SLC12A2: variants seen among roughly 807,000 people sequenced by gnomAD.
The protein encoded by SLC12A2 is Na-K-2Cl cotransporter 1.
A neutral mutation model predicts 136.3 loss-of-function variants in SLC12A2; 67 were observed. That is an observed-to-expected ratio of 0.49 (90% CI 0.40 to 0.60). The LOEUF (loss-of-function observed/expected upper bound fraction) is 0.60, where lower values mean the gene tolerates loss of function less well. SLC12A2 is among the 20% of genes least tolerant of loss of function. SLC12A2 has a pLI of 0.00. For synonymous variants in SLC12A2, 619 were observed against 562.9 expected (o/e 1.10, Z -1.41); for missense variants, 1,322 against 1,534.7 (o/e 0.86, Z 2.32).
intron 1 of SLC12A2, among the ~76,000 whole-genome samples, chr5:128,096,964 A>G (rs1760563268): frequency 6.6e-6 from 1 of 152,102 alleles, no homozygotes; most frequent in Admixed American, 6.6e-5. Context: ...CTGAATTTCA[A>G]TCATTATAAC....
rs1205696071 is a variant in SLC12A2 at position 128,188,825 on chromosome 5, AT to A, written c.*2195del. ...ATGTTTGGGGGTAAAGACAGTAGAA[AT>A]ATTATTCAGTAAACAATAATGTGTG... On this transcript the variant is annotated 3_prime_UTR_variant, in exon 27 of 27. Coordinates refer to ENST00000262461, the MANE Select transcript of SLC12A2 (RefSeq NM_001046.3). The A allele has an allele frequency of 2.0e-5, 3 of 152,432 alleles. No individual in the cohort carries two copies. Among genetic ancestry groups the A allele is most frequent in the Admixed American group, 6.6e-5 (1 of 15,266 alleles). The allele number at this position is 152,432 out of a possible 1,614,324, so 9.4% of individuals were successfully genotyped here. A position where few individuals can be genotyped will look rare whatever the true frequency, so the allele number is the denominator to read the frequency against.
chr5:128,146,758 G>A (rs998487464), intron 10 of SLC12A2, among the ~76,000 whole-genome samples: 3 of 151,506 alleles, frequency 2.0e-5, no homozygotes, highest in African/African-American at 7.3e-5. Context: ...TTTAGCTCTA[G>A]AAGATAAAAG....
chr5:128,110,296 C>T (rs1761095211), intron 1 of SLC12A2: 2 of 828,502 alleles, frequency 2.4e-6, no homozygotes, highest in South Asian at 1.3e-5. Context: ...TGATGCCTAC[C>T]TACGACTTGA....
chr5:128,147,590 T>A, intron 10 of SLC12A2, 32 bp from the exon 11 acceptor site: 3 of 1,392,502 alleles, frequency 2.2e-6, no homozygotes, highest in Non-Finnish European at 3.1e-6. Context: ...TTTGTGAGAT[T>A]TATTTTTCCA....
intron 14 of SLC12A2, among the ~76,000 whole-genome samples, 154 bp downstream of exon 14, chr5:128,151,550 C>T (rs1049986276): frequency 6.8e-6 from 1 of 147,720 alleles, no homozygotes; most frequent in Non-Finnish European, 1.5e-5. Flanking sequence ...TTTCCAAACT[C>T]CTAAAGTTTT....
intron 18 of SLC12A2, chr5:128,168,763 G>A (rs1167963050): frequency 6.6e-6 from 1 of 152,112 alleles, no homozygotes; most frequent in South Asian, 2.1e-4. Context: ...TTGAGCAATT[G>A]GTGCCGCTGC....
intron 4 of SLC12A2, among the ~76,000 whole-genome samples, chr5:128,118,727 A>C (rs555295644): frequency 6.6e-6 from 1 of 152,330 alleles, no homozygotes; most frequent in African/African-American, 2.4e-5. Flanking sequence ...AACTATTGAA[A>C]TAATTTTTTT....
At chr5:128,137,284 C>G (rs371849885) in intron 7 of SLC12A2, among the ~76,000 whole-genome samples, 1 of 152,046 alleles carries the variant, frequency 6.6e-6, no homozygotes, top group East Asian at 1.9e-4. Context: ...CTTTTATTTC[C>G]TCAGAAGAGT....
Position 128,188,461 on chromosome 5 carries a change from AT to A in SLC12A2, c.*1835del. The A allele has an allele frequency of 6.6e-6, 1 of 151,688 alleles. No homozygotes were observed. Among genetic ancestry groups the A allele is most frequent in the Non-Finnish European group, 1.5e-5 (1 of 67,952 alleles). 9.4% of individuals were successfully genotyped at this position (151,688 alleles called of 1,614,324 possible). On this transcript the variant is annotated 3_prime_UTR_variant, in exon 27 of 27. Transcript: ENST00000262461. ...GGGTGCACGCCACCATGCCCAGCTAATTTTTGTATTTTGAGTAGAGACAGGG... is the reference window on the plus strand; with the variant it reads ...GGGTGCACGCCACCATGCCCAGCTAATTTTGTATTTTGAGTAGAGACAGGG...
chr5:128,114,202 C>T lies in SLC12A2; in HGVS notation c.877-10C>T. The stretch of plus-strand genomic sequence containing the variant: ...TTCCTCTGTGTCTTGGCCTCTTTTT[C>T]CCTCTTTAGGTACGTTGTATGTTAA... On this transcript the variant is annotated splice_polypyrimidine_tract_variant and intron_variant, in intron 2 of 26. Transcript: ENST00000262461. 6.2e-7 allele frequency: 1 copy of T among 1,605,230 alleles called. No individual in the cohort carries two copies. Among genetic ancestry groups the T allele is most frequent in the African/African-American group, 1.3e-5 (1 of 74,710 alleles).
At chr5:128,131,742 A>G (rs950161876) in intron 5 of SLC12A2, among the ~76,000 whole-genome samples, 1 of 152,056 alleles carries the variant, frequency 6.6e-6, no homozygotes, top group Admixed American at 6.6e-5. Flanking sequence ...GTGGTGGCTC[A>G]TGCCTGTAAT....
At chr5:128,135,840 G>A (rs749773320) in intron 7 of SLC12A2, 32 bp downstream of exon 7, 1 of 1,164,156 alleles carries the variant, frequency 8.6e-7, no homozygotes, top group Non-Finnish European at 1.3e-6. Flanking sequence ...TTTTTTAAGG[G>A]TACCTATTTA....
chr5:128,143,276 G>A (rs187273561), intron 10 of SLC12A2, among the ~76,000 whole-genome samples: 57 of 151,938 alleles, frequency 3.8e-4, no homozygotes, highest in Non-Finnish European at 6.6e-4. Flanking sequence ...TTTATAAATG[G>A]CCTTTAAAAA....
rs758121421 is a variant in SLC12A2 at position 128,135,711 on chromosome 5, T to C, written c.1311T>C (p.Val437=). 6.2e-7 allele frequency: 1 copy of C among 1,605,778 alleles called. No individual in the cohort carries two copies. The highest frequency in any genetic ancestry group is 8.5e-7 in the Non-Finnish European group (1 of 1,173,050). Residue 437 remains valine (V), a synonymous_variant, in exon 7 of 27, where the codon GTT becomes GTC. Coordinates refer to ENST00000262461, the MANE Select transcript of SLC12A2 (RefSeq NM_001046.3). ...GMEWEAKAQI[V]LLVILLLAIG... ...GTTTAAAATTGCAGGCTCAGATTGT[T>C]CTTTTGGTGATCCTACTTCTTGCTA... is the stretch of plus-strand genomic sequence containing the variant.
At chr5:128,142,323 G>A (rs1269968562) in intron 10 of SLC12A2, among the ~76,000 whole-genome samples, 3 of 152,062 alleles carry the variant, frequency 2.0e-5, no homozygotes, top group Non-Finnish European at 4.4e-5. Flanking sequence ...GGCTGGTCTC[G>A]AACTCCTGAC....
At chr5:128,125,356 T>C (rs1445507286) in intron 4 of SLC12A2, among the ~76,000 whole-genome samples, 6 of 152,176 alleles carry the variant, frequency 3.9e-5, no homozygotes, top group Non-Finnish European at 7.4e-5. Context: ...TGGAAGTGTA[T>C]GGAGAGAGTG....
At chr5:128,118,359 G>A (rs1293524919) in intron 4 of SLC12A2, among the ~76,000 whole-genome samples, 3 of 152,126 alleles carry the variant, frequency 2.0e-5, no homozygotes, top group Admixed American at 6.6e-5. Flanking sequence ...AGAAAATGTG[G>A]TATATATACA....
intron 1 of SLC12A2, among the ~76,000 whole-genome samples, chr5:128,089,877 C>T (rs780130058): frequency 6.6e-6 from 1 of 152,282 alleles, no homozygotes; most frequent in East Asian, 1.9e-4. Context: ...TTAATCATTT[C>T]AGTGTATAGC....
At chr5:128,139,087 GA>G (rs1226588870) in intron 9 of SLC12A2, among the ~76,000 whole-genome samples, 179 bp downstream of exon 9, 1 of 151,886 alleles carries the variant, frequency 6.6e-6, no homozygotes, top group Non-Finnish European at 1.5e-5. Context: ...GACTTCTATA[GA>G]CATTATCTAA....
Sources: gnomAD v4.1 joint callset for allele counts (sites outside exome capture counted in the v4.1 genomes callset) on GRCh38, gnomAD v4.1.1 for gene constraint, MANE v1.5 for transcripts, NCBI Gene and HGNC (gene_info 2026-07-23, HGNC 2026-07-21) for gene names.